ZNF43: variants seen among roughly 807,000 people sequenced by gnomAD.
ZNF43 encodes the protein zinc finger protein 43.
In ZNF43, 44 loss-of-function variants were observed where a neutral mutation model predicts 68.4. The observed-to-expected ratio is 0.64, with a 90% CI of 0.51 to 0.83. The LOEUF (loss-of-function observed/expected upper bound fraction) is 0.83. ZNF43 is among the 40% of genes least tolerant of loss of function. The pLI, the probability that ZNF43 is intolerant of heterozygous loss-of-function variation, is 0.00. For missense variants in ZNF43, 896 were observed against 933.2 expected, an observed-to-expected ratio of 0.96 and a Z score of 0.52; for synonymous variants, 308 against 307.8, an observed-to-expected ratio of 1.00 and a Z score of -0.01.
chr19:21,843,385 T>C (rs1015122937), intron 1 of ZNF43: 161 of 985,270 alleles, frequency 1.6e-4, no homozygotes, highest in Non-Finnish European at 1.9e-4. Flanking sequence ...ATTCTAGGTA[T>C]GAGTCAATAC....
Position 21,817,936 on chromosome 19 carries a change from C to CT in ZNF43, c.180dup (p.Glu61ArgfsTer10), listed in dbSNP as rs774278642. 6.2e-7 allele frequency: 1 copy of CT among 1,613,412 alleles called. No individual in the cohort carries two copies. The highest frequency in any genetic ancestry group is 1.1e-5 in the South Asian group (1 of 91,082). On this transcript the variant is annotated frameshift_variant, in exon 3 of 4. Transcript: ENST00000354959. LOFTEE classifies it high-confidence loss of function. ...TGTCTCCTCATAGGCTCCCAAGGCTCTTTTTCTTGCTCCAGACAGGTGATC... is the reference window on the plus strand; with the variant it reads ...TGTCTCCTCATAGGCTCCCAAGGCTCTTTTTTCTTGCTCCAGACAGGTGATC...
chr19:21,851,548 A>T (rs1042727341), intron 1 of ZNF43, among the ~76,000 whole-genome samples: 1 of 150,866 alleles, frequency 6.6e-6, no homozygotes, highest in African/African-American at 2.4e-5. Flanking sequence ...TCAAAAAAAA[A>T]AAAAAAAAAA....
At chr19:21,829,039 A>G in intron 1 of ZNF43, among the ~76,000 whole-genome samples, 1 of 124,480 alleles carries the variant, frequency 8.0e-6, no homozygotes, top group Non-Finnish European at 1.6e-5. Flanking sequence ...TCTCAAAAAA[A>G]AAAAAAAAAA....
chr19:21,829,150 T>C (rs556717339), intron 1 of ZNF43, among the ~76,000 whole-genome samples: 33 of 147,226 alleles, frequency 2.2e-4, no homozygotes, highest in African/African-American at 7.6e-4. Context: ...CTTGAACCCA[T>C]GAGGCAGAGG....
intron 1 of ZNF43, among the ~76,000 whole-genome samples, chr19:21,828,245 T>A (rs1447864388): frequency 6.6e-6 from 1 of 152,196 alleles, no homozygotes; most frequent in African/African-American, 2.4e-5. Flanking sequence ...ATATTTCAGT[T>A]AAAACTACTT....
intron 3 of ZNF43, among the ~76,000 whole-genome samples, chr19:21,812,921 T>G (rs1386891354): frequency 7.0e-6 from 1 of 142,586 alleles, no homozygotes; most frequent in East Asian, 2.0e-4. Context: ...TGACAGAGTG[T>G]GACTCCATCT....
intron 3 of ZNF43, among the ~76,000 whole-genome samples, chr19:21,812,283 C>T (rs149305405): frequency 0.015 from 2,334 of 152,204 alleles, 34 homozygotes; most frequent in Non-Finnish European, 0.025. Flanking sequence ...CGCACCACCA[C>T]GCCCGGCTAA....
intron 3 of ZNF43, among the ~76,000 whole-genome samples, chr19:21,817,661 G>C (rs1405578088): frequency 1.3e-5 from 2 of 152,164 alleles, no homozygotes; most frequent in South Asian, 4.2e-4. Context: ...TGGCTGTCAT[G>C]GTAAACTTGA....
intron 3 of ZNF43, among the ~76,000 whole-genome samples, chr19:21,815,609 A>C (rs1599465057): frequency 6.6e-6 from 1 of 151,700 alleles, no homozygotes; most frequent in East Asian, 1.9e-4. Flanking sequence ...AAATCCTATC[A>C]TTCTCTTTTA....
intron 1 of ZNF43, among the ~76,000 whole-genome samples, chr19:21,847,581 C>CAGCT (rs897745240): frequency 2.6e-5 from 4 of 152,058 alleles, no homozygotes; most frequent in African/African-American, 9.7e-5. Flanking sequence ...CCTGTAGTCC[C>CAGCT]AGCTACTCAG....
chr19:21,844,268 G>A (rs1397435582), intron 1 of ZNF43, among the ~76,000 whole-genome samples: 1 of 144,558 alleles, frequency 6.9e-6, no homozygotes, highest in African/African-American at 2.6e-5. Flanking sequence ...AGAATCACTT[G>A]AACCTGGGAG....
chr19:21,819,051 A>G (rs1347135868), intron 2 of ZNF43, 44 bp downstream of exon 2: 2 of 1,568,716 alleles, frequency 1.3e-6, no homozygotes, highest in Non-Finnish European at 1.7e-6. Context: ...CAAAAATGAA[A>G]TCTTTAGGGT....
chr19:21,850,044 C>T (rs766023115), intron 1 of ZNF43: 3 of 152,192 alleles, frequency 2.0e-5, no homozygotes, highest in Non-Finnish European at 4.4e-5. Flanking sequence ...ATGTAACAAA[C>T]TTCCTCTGAA....
At chr19:21,810,283 G>GAA (rs1165456690) in intron 3 of ZNF43, among the ~76,000 whole-genome samples, 1 of 152,206 alleles carries the variant, frequency 6.6e-6, no homozygotes, top group Non-Finnish European at 1.5e-5. Flanking sequence ...TGTTATGGTA[G>GAA]AAGGCAAAGA....
intron 3 of ZNF43, among the ~76,000 whole-genome samples, chr19:21,814,680 T>C (rs1027262765): frequency 6.6e-6 from 1 of 152,072 alleles, no homozygotes; most frequent in Non-Finnish European, 1.5e-5. Context: ...AGTGCTGGGA[T>C]TGCAGGCGTG....
At position 21,807,483 on chromosome 19, in the gene ZNF43, C is replaced by T. The variant is rs2036992129; in HGVS notation, c.*124G>A. ...GTACGAGCATTAATTAAAAGTTTTG[C>T]CACATTCTTCACACTTGTAGAAGTT... On this transcript the variant is annotated 3_prime_UTR_variant, in exon 4 of 4. Transcript: ENST00000354959. The T allele has an allele frequency of 3.0e-6, 3 of 984,308 alleles. No homozygotes were observed. The highest frequency in any genetic ancestry group is 4.3e-5 in the South Asian group (2 of 46,084). 61.0% of individuals were successfully genotyped at this position (984,308 alleles called of 1,614,324 possible).
In ZNF43 at chr19:21,807,655, A is replaced by G. The variant is rs374412012; in HGVS notation, c.2382T>C (p.Asp794=). The change falls in exon 4 of 4, where the codon GAT becomes GAC. Residue 794 remains aspartate (D), a synonymous_variant. Transcript: ENST00000354959. ...HTGEKLYKPE[D]VTVILTTPQT... ...GAGGTGTTGTCAAAATCACTGTCAC[A>G]TCTTCAGGTTTGTAGAGTTTCTCTC... 2.2e-5 allele frequency: 34 copies of G among 1,578,552 alleles called. No homozygotes were observed. The highest frequency in any genetic ancestry group is 2.8e-5 in the Non-Finnish European group (33 of 1,164,152).
In ZNF43 at chr19:21,811,850, T is replaced by G. The variant is rs187163779; in HGVS notation, c.230-2043A>C. Among the ~76,000 whole-genome samples, 561 of 152,250 alleles carry G rather than the reference T, an allele frequency of 3.7e-3. 2 individuals carry two copies. Among genetic ancestry groups the G allele is most frequent in the Non-Finnish European group, 7.0e-3 (477 of 68,030 alleles). On this transcript the variant is annotated intron_variant, in intron 3 of 3. Transcript: ENST00000354959. ...TTTTCTTGAATTATATATACAAATA[T>G]TTTAAATAAAACACATAGAAAAAAG...
intron 1 of ZNF43, among the ~76,000 whole-genome samples, chr19:21,830,119 TG>T (rs1422967602): frequency 1.3e-5 from 2 of 151,582 alleles, no homozygotes; most frequent in African/African-American, 4.8e-5. Flanking sequence ...TGTGTATTGG[TG>T]GGCACCTGTA....
Sources: gnomAD v4.1 joint callset for allele counts (sites outside exome capture counted in the v4.1 genomes callset) on GRCh38, gnomAD v4.1.1 for gene constraint, MANE v1.5 for transcripts, NCBI Gene and HGNC (gene_info 2026-07-23, HGNC 2026-07-21) for gene names.